The following DENND1B variants were observed in gnomAD, a reference collection of about 807,000 sequenced individuals.
DENND1B encodes the protein DENN domain containing 1B, also known as DENN domain-containing protein 1B.
In DENND1B, 59 loss-of-function variants were observed where a neutral mutation model predicts 90.1. The ratio of observed to expected loss-of-function variants is 0.65; its 90% CI spans 0.53 to 0.81. The LOEUF (loss-of-function observed/expected upper bound fraction) is 0.81. Ranked by LOEUF, DENND1B falls within the 40% of genes least tolerant of loss-of-function variation. DENND1B has a pLI of 0.00. For synonymous variants in DENND1B, 337 were observed against 324.6 expected, an observed-to-expected ratio of 1.04 and a Z score of -0.41; for missense variants, 862 against 912.6, an observed-to-expected ratio of 0.94 and a Z score of 0.71.
chr1:197,780,436 C>G (rs1411651379), upstream of DENND1B, among the ~76,000 whole-genome samples: 2 of 151,808 alleles, frequency 1.3e-5, no homozygotes, highest in Non-Finnish European at 2.9e-5. Context: ...AGCAATTCTC[C>G]TGCCTCAGCC....
Position 197,512,862 on chromosome 1 carries a change from A to C in DENND1B, c.1598+9T>G, listed in dbSNP as rs778012423. On this transcript the variant is annotated intron_variant, in intron 21 of 22. Transcript: ENST00000620048. ...TCCACTTAATAGGACACCAAAATCC[A>C]TTACTTACTTGCTTGCTCTTTCAAT... 1 of 1,609,542 alleles carries C rather than the reference A, an allele frequency of 6.2e-7. No individual in the cohort carries two copies. The highest frequency in any genetic ancestry group is 8.5e-7 in the Non-Finnish European group (1 of 1,177,518).
chr1:197,731,589 T>C (rs997116660), intron 2 of DENND1B, among the ~76,000 whole-genome samples: 7 of 152,152 alleles, frequency 4.6e-5, no homozygotes, highest in Non-Finnish European at 1.0e-4. Flanking sequence ...ATGCCATGCA[T>C]TGTCATTCAC....
At chr1:197,692,652 A>G (rs1017298996) in intron 3 of DENND1B, among the ~76,000 whole-genome samples, 1 of 151,832 alleles carries the variant, frequency 6.6e-6, no homozygotes, top group Non-Finnish European at 1.5e-5. Flanking sequence ...ACAATTTGCA[A>G]TGCAAAACAT....
At chr1:197,541,495 T>C (rs1319976563) in intron 18 of DENND1B, among the ~76,000 whole-genome samples, 2 of 152,242 alleles carry the variant, frequency 1.3e-5, no homozygotes, top group Non-Finnish European at 2.9e-5. Flanking sequence ...ATTTCATATA[T>C]AGTTTTTCTG....
At chr1:197,557,808 T>C (rs1289907329) in intron 15 of DENND1B, among the ~76,000 whole-genome samples, 1 of 151,878 alleles carries the variant, frequency 6.6e-6, no homozygotes, top group East Asian at 1.9e-4. Flanking sequence ...AGTTGGTTCA[T>C]GGTTATACCA....
chr1:197,581,847 G>T (rs778438203), intron 15 of DENND1B, among the ~76,000 whole-genome samples: 2 of 152,156 alleles, frequency 1.3e-5, no homozygotes, highest in African/African-American at 2.4e-5. Flanking sequence ...ATGGAAGATA[G>T]TGCCTCTTCT....
chr1:197,760,304 T>G (rs1191067055), intron 2 of DENND1B, among the ~76,000 whole-genome samples: 1 of 152,146 alleles, frequency 6.6e-6, no homozygotes, highest in East Asian at 1.9e-4. Context: ...CCATATCCAT[T>G]TATAAACAAA....
chr1:197,569,606 T>C (rs993510851), intron 15 of DENND1B, among the ~76,000 whole-genome samples: 1 of 150,424 alleles, frequency 6.6e-6, no homozygotes, highest in Non-Finnish European at 1.5e-5. Flanking sequence ...AATGGAACAC[T>C]ATTAACCCTT....
chr1:197,755,455 A>G (rs968984747), intron 2 of DENND1B, among the ~76,000 whole-genome samples: 1 of 152,188 alleles, frequency 6.6e-6, no homozygotes, highest in Non-Finnish European at 1.5e-5. Context: ...ATGGTACAGG[A>G]TGCCAAAACA....
intron 15 of DENND1B, among the ~76,000 whole-genome samples, chr1:197,576,285 T>G (rs1222180127): frequency 6.6e-6 from 1 of 152,032 alleles, no homozygotes; most frequent in Non-Finnish European, 1.5e-5. Context: ...GCATATTACA[T>G]TAGAATAGGA....
At chr1:197,746,376 C>T (rs1382521589) in intron 2 of DENND1B, among the ~76,000 whole-genome samples, 1 of 152,118 alleles carries the variant, frequency 6.6e-6, no homozygotes, top group East Asian at 1.9e-4. Flanking sequence ...GCCTGGGTGA[C>T]AGAGACTGTC....
At chr1:197,627,313 CA>C (rs1678854330) in intron 10 of DENND1B, among the ~76,000 whole-genome samples, 1 of 152,120 alleles carries the variant, frequency 6.6e-6, no homozygotes, top group African/African-American at 2.4e-5. Flanking sequence ...AGCAGCATAT[CA>C]AAAAGCTTAT....
intron 7 of DENND1B, 114 bp downstream of exon 7, chr1:197,652,121 G>C: frequency 2.6e-6 from 2 of 777,930 alleles, no homozygotes; most frequent in Non-Finnish European, 2.1e-6. Context: ...TAGCAATGAA[G>C]TCTTCCTGGA....
intron 10 of DENND1B, among the ~76,000 whole-genome samples, chr1:197,628,003 A>C (rs879019702): frequency 6.5e-4 from 99 of 152,112 alleles, no homozygotes; most frequent in East Asian, 2.7e-3. Flanking sequence ...GAACTACAAA[A>C]CACTGCTCAA....
intron 20 of DENND1B, among the ~76,000 whole-genome samples, chr1:197,526,332 G>T (rs1343889208): frequency 6.6e-6 from 1 of 151,974 alleles, no homozygotes; most frequent in Non-Finnish European, 1.5e-5. Flanking sequence ...TTTATCCTAA[G>T]ATTCTTGGAA....
chr1:197,777,786 A>C (rs1328270468), upstream of DENND1B, among the ~76,000 whole-genome samples: 1 of 152,144 alleles, frequency 6.6e-6, no homozygotes, highest in African/African-American at 2.4e-5. Flanking sequence ...TTTATTTATT[A>C]ATTAATTTCT....
intron 2 of DENND1B, among the ~76,000 whole-genome samples, chr1:197,728,592 C>T (rs1178878648): frequency 6.6e-6 from 1 of 152,154 alleles, no homozygotes; most frequent in East Asian, 1.9e-4. Context: ...AGCTGCCTAA[C>T]CATGTTAGTT....
chr1:197,780,756 T>C, the DENND1B span, among the ~76,000 whole-genome samples: 2 of 152,342 alleles, frequency 1.3e-5, no homozygotes, highest in East Asian at 3.9e-4. Context: ...GATCAGACTA[T>C]AATGGATAAT....
At chr1:197,596,658 A>G (rs973538751) in intron 13 of DENND1B, among the ~76,000 whole-genome samples, 1 of 151,684 alleles carries the variant, frequency 6.6e-6, no homozygotes, top group Non-Finnish European at 1.5e-5. Context: ...ACACACACAC[A>G]ACACATGCAC....
Sources: allele counts gnomAD v4.1 joint callset (sites outside exome capture counted in the v4.1 genomes callset), GRCh38; gene constraint gnomAD v4.1.1; transcripts MANE v1.5; gene names NCBI Gene and HGNC (gene_info 2026-07-23, HGNC 2026-07-21).